Variants in CLMN observed in about 807,000 individuals in gnomAD.
CLMN encodes calmin (calponin-like, transmembrane).
In CLMN, 57 loss-of-function variants were observed where a neutral mutation model predicts 92.7. The observed-to-expected ratio is 0.61, with a 90% CI of 0.50 to 0.77. The LOEUF is 0.77. Ranked by LOEUF, CLMN falls within the 30% of genes least tolerant of loss-of-function variation. The probability of loss-of-function intolerance (pLI) is 0.00; values close to 1 mark genes in which losing one functional copy is unlikely to be tolerated. For missense variants in CLMN, 1,158 were observed against 1,237.5 expected (o/e 0.94, Z 0.96); for synonymous variants, 466 against 470.6 (o/e 0.99, Z 0.13).
chr14:95,256,755 T>C lies in CLMN; in HGVS notation c.83-26622A>G, dbSNP rs978477499. ...GAAATTGCCAAATGTAGGGCCCTGG[T>C]CCACATTGCACCGGGAAAACAGACA... On this transcript the variant is annotated intron_variant, in intron 1 of 12. Transcript: ENST00000298912. This position sits in a 1 kb window ranked among gnomAD's most constrained non-coding sequence, Gnocchi z 4.9. 2.6e-5 allele frequency among the ~76,000 whole-genome samples: 4 copies of C among 152,136 alleles called. No homozygotes were observed. The highest frequency in any genetic ancestry group is 9.7e-5 in the African/African-American group (4 of 41,432).
intron 1 of CLMN, among the ~76,000 whole-genome samples, chr14:95,295,465 T>A (rs1900772853): frequency 6.6e-6 from 1 of 152,060 alleles, no homozygotes; most frequent in African/African-American, 2.4e-5. Flanking sequence ...TATGAACAGG[T>A]GGCTGCTGCA....
intron 1 of CLMN, among the ~76,000 whole-genome samples, chr14:95,254,577 T>C (rs978055399): frequency 1.3e-5 from 2 of 152,116 alleles, no homozygotes; most frequent in Non-Finnish European, 2.9e-5. Context: ...AGGCACCCCA[T>C]CCATATCAAA....
In CLMN at chr14:95,187,557, CT is replaced by C. The variant is rs1179326148; in HGVS notation, c.*4006del. ...GGGCATTTATTGGCTCTGAGGTCCC[CT>C]GTCCTTCCCATGCAGCCAGATGACC... is the stretch of plus-strand genomic sequence containing the variant. On this transcript the variant is annotated 3_prime_UTR_variant, in exon 13 of 13. Transcript: ENST00000298912. 5 of 152,274 alleles carry C rather than the reference CT, an allele frequency of 3.3e-5. No homozygotes were observed. The highest frequency in any genetic ancestry group is 1.2e-4 in the African/African-American group (5 of 41,452). The allele number at this position is 152,274 out of a possible 1,614,324, so 9.4% of individuals were successfully genotyped here.
At chr14:95,248,095 T>C (rs1339077395) in intron 1 of CLMN, among the ~76,000 whole-genome samples, 1 of 139,530 alleles carries the variant, frequency 7.2e-6, no homozygotes, top group Non-Finnish European at 1.6e-5. Context: ...ATTTCTTCAA[T>C]AAGCAAACTG....
chr14:95,196,659 G>T lies in CLMN; in HGVS notation c.2547C>A (p.Asn849Lys). 2 of 1,613,178 alleles carry T rather than the reference G, an allele frequency of 1.2e-6. No homozygotes were observed. The highest frequency in any genetic ancestry group is 2.2e-5 in the South Asian group (2 of 90,930). The change falls in exon 10 of 13, where the codon AAC becomes AAA. Residue 849 changes from asparagine to lysine, a missense_variant. Physicochemically the swap from Asn to Lys is moderately conservative, Grantham distance 94 (BLOSUM62 0). Coordinates refer to ENST00000298912, the MANE Select transcript of CLMN (RefSeq NM_024734.4). ...QESPNLENIA[N>K]PLEENVTKES... ...CTTTCGTTACATTTTCTTCTAGGGG[G>T]TTTGCTATGTTTTCCAGGTTTGGGG...
intron 10 of CLMN, among the ~76,000 whole-genome samples, chr14:95,195,525 C>T (rs1896684816): frequency 6.6e-6 from 1 of 152,252 alleles, no homozygotes; most frequent in African/African-American, 2.4e-5. Context: ...TCTCCCTACC[C>T]CTCCCCAAAT....
At position 95,209,442 on chromosome 14, in the gene CLMN, T is replaced by G. The variant is rs972382055; in HGVS notation, c.838A>C (p.Met280Leu). 6.2e-7 allele frequency: 1 copy of G among 1,614,048 alleles called. No individual in the cohort carries two copies. Among genetic ancestry groups the G allele is most frequent in the Non-Finnish European group, 8.5e-7 (1 of 1,180,012 alleles). ...MVDTPDEQSI[M>L]TYVAQFLERF... The stretch of plus-strand genomic sequence containing the variant: ...TCTAGAAACTGTGCCACGTAAGTCA[T>G]GATAGACTGCTCGTCTGGTGTGTCA... Residue 280 changes from methionine (M) to leucine (L), a missense_variant, in exon 8 of 13, where the codon ATG becomes CTG. Physicochemically the swap from Met to Leu is conservative, Grantham distance 15. Transcript: ENST00000298912.
chr14:95,192,458 T>C (rs565459060), intron 12 of CLMN: 1 of 152,312 alleles, frequency 6.6e-6, no homozygotes, highest in East Asian at 1.9e-4. Context: ...TGGAGCTGCA[T>C]GTAGAGAAGC....
At chr14:95,260,623 T>C (rs1899214118) in intron 1 of CLMN, 1 of 152,218 alleles carries the variant, frequency 6.6e-6, no homozygotes, top group Non-Finnish European at 1.5e-5. Context: ...GTGTGACTAA[T>C]ATCTTACAGT....
At chr14:95,215,031 C>T (rs1036485045) in intron 5 of CLMN, among the ~76,000 whole-genome samples, 1 of 152,176 alleles carries the variant, frequency 6.6e-6, no homozygotes, top group Admixed American at 6.5e-5. Context: ...GTGCGGCAAA[C>T]CACCATGGCA....
intron 1 of CLMN, among the ~76,000 whole-genome samples, chr14:95,262,130 T>A (rs1899281558): frequency 6.6e-6 from 1 of 152,172 alleles, no homozygotes; most frequent in African/African-American, 2.4e-5. Flanking sequence ...CCCCACATCG[T>A]TTGGACAGCC....
intron 1 of CLMN, among the ~76,000 whole-genome samples, chr14:95,287,018 T>A (rs77522306): frequency 0.13 from 19,833 of 152,212 alleles, 1,562 homozygotes; most frequent in African/African-American, 0.21. Context: ...CTCCCAGGTC[T>A]TGTCATCCCC....
rs147127876 is a variant in CLMN, at chr14:95,234,839, A to T, written c.83-4706T>A. On this transcript the variant is annotated intron_variant, in intron 1 of 12. Transcript: ENST00000298912. ...CTGTCCGTGGCTGGCTCAGGAGTTC[A>T]GAGTCACAGAGAAAGGGATGCACGC... Among the ~76,000 whole-genome samples the T allele has an allele frequency of 2.6e-5, 4 of 152,362 alleles. No individual in the cohort carries two copies. In the East Asian group the frequency reaches 5.8e-4, roughly 22 times the overall value.
Position 95,194,225 on chromosome 14 carries a change from G to A in CLMN, c.2770-306C>T, listed in dbSNP as rs921270993. 1 of 1,392,288 alleles carries A rather than the reference G, an allele frequency of 7.2e-7. No homozygotes were observed. Among genetic ancestry groups the A allele is most frequent in the Non-Finnish European group, 9.3e-7 (1 of 1,077,328 alleles). The allele number at this position is 1,392,288 out of a possible 1,614,324, so 86.2% of individuals were successfully genotyped here. On this transcript the variant is annotated intron_variant, in intron 11 of 12. Coordinates refer to ENST00000298912, the MANE Select transcript of CLMN (RefSeq NM_024734.4). This position sits in a 1 kb window ranked among gnomAD's most constrained non-coding sequence, Gnocchi z 4.0. Reference sequence around the variant, plus strand: ...CACTGTCCATCGGACCTTGACTCATGTTGCACCTCTGTCTCTGAACGTGAT... The same window carrying A: ...CACTGTCCATCGGACCTTGACTCATATTGCACCTCTGTCTCTGAACGTGAT...
chr14:95,201,264 C>T (rs973199627), intron 9 of CLMN, among the ~76,000 whole-genome samples: 2 of 151,586 alleles, frequency 1.3e-5, no homozygotes, highest in African/African-American at 4.9e-5. Flanking sequence ...TTGCATGATG[C>T]TGAAGCTTGG....
At chr14:95,195,522 A>G (rs11848896) in intron 10 of CLMN, among the ~76,000 whole-genome samples, 27,082 of 152,040 alleles carry the variant, frequency 0.18, 3,670 homozygotes, top group African/African-American at 0.37. Context: ...GCTTCTCCCT[A>G]CCCCTCCCCA....
rs138001532 is a variant in CLMN, at chr14:95,269,164, C to T, written c.83-39031G>A. On this transcript the variant is annotated intron_variant, in intron 1 of 12. Coordinates refer to ENST00000298912, the MANE Select transcript of CLMN (RefSeq NM_024734.4). ...AATGAAAGGTTAAAAATAATAAAAA[C>T]TCTTCATCCACCAAGACGTTAATCA... 4.6e-3 allele frequency among the ~76,000 whole-genome samples: 700 copies of T among 152,168 alleles called. 6 individuals are homozygous for T. Among genetic ancestry groups the T allele is most frequent in the African/African-American group, 0.016 (665 of 41,494 alleles).
intron 1 of CLMN, among the ~76,000 whole-genome samples, chr14:95,292,428 T>TCCCCCCCCCCCCCCCCCCCCCCCCCCC (rs1263766978): frequency 1.4e-5 from 1 of 74,058 alleles, no homozygotes; most frequent in African/African-American, 5.2e-5. Flanking sequence ...CCCCCAAGGG[T>TCCCCCCCCCCCCCCCCCCCCCCCCCCC]CCCCCACCCC....
rs570049936 is a variant in CLMN, at chr14:95,216,290, G to A, written c.325-557C>T. Among the ~76,000 whole-genome samples, 28 of 152,318 alleles carry A rather than the reference G, an allele frequency of 1.8e-4. 4 individuals are homozygous for A. In the South Asian group the frequency reaches 4.4e-3, roughly 24 times the overall value. ...CAGCACATGAAAGACCTGCTCCCCC[G>A]ATTCAATGACCTCCCACCAGGTCCC... On this transcript the variant is annotated intron_variant, in intron 4 of 12. Coordinates refer to ENST00000298912, the MANE Select transcript of CLMN (RefSeq NM_024734.4).
Sources: gnomAD v4.1 joint callset for allele counts (sites outside exome capture counted in the v4.1 genomes callset) on GRCh38, gnomAD v4.1.1 for gene constraint, Gnocchi (gnomAD v3.1) non-coding constraint, MANE v1.5 for transcripts, NCBI Gene and HGNC (gene_info 2026-07-23, HGNC 2026-07-21) for gene names.